UTP18: variants seen among roughly 807,000 people sequenced by gnomAD.
UTP18 encodes UTP18 small subunit processome component, also known as U3 small nucleolar RNA-associated protein 18 homolog.
In UTP18, 36 loss-of-function variants were observed where a neutral mutation model predicts 61.1. The ratio of observed to expected loss-of-function variants is 0.59; its 90% confidence interval spans 0.45 to 0.78. UTP18 has a LOEUF of 0.78. UTP18 is among the 30% of genes least tolerant of loss of function. The pLI is 0.00. For missense variants in UTP18, 753 were observed against 693.9 expected (o/e 1.09, Z -0.96); for synonymous variants, 282 against 251.1 (o/e 1.12, Z -1.16).
intron 8 of UTP18, 53 bp downstream of exon 8, chr17:51,280,158 G>T: frequency 6.5e-7 from 1 of 1,544,900 alleles, no homozygotes. Flanking sequence ...CTAGTGTAGG[G>T]ATAGTCTTGC....
Position 51,290,405 on chromosome 17 carries a change from G to C in UTP18, c.1503+2202G>C, listed in dbSNP as rs148292902. Among the ~76,000 whole-genome samples, 60 of 152,240 alleles carry C rather than the reference G, an allele frequency of 3.9e-4. No homozygotes were observed. In the East Asian group the frequency reaches 9.1e-3, roughly 23 times the overall value. On this transcript the variant is annotated intron_variant, in intron 11 of 13. Coordinates refer to ENST00000225298, the MANE Select transcript of UTP18 (RefSeq NM_016001.3). ...TACTCCAGCCTGGGTGACAGAGTAA[G>C]AGTCTGTCTCAAAAACAACAACAAC...
chr17:51,292,809 CTG>C (rs1905268613), intron 11 of UTP18, among the ~76,000 whole-genome samples: 1 of 152,186 alleles, frequency 6.6e-6, no homozygotes, highest in Non-Finnish European at 1.5e-5. Flanking sequence ...GAGAAAGAGA[CTG>C]TGTGTGTTCC....
intron 3 of UTP18, among the ~76,000 whole-genome samples, chr17:51,267,499 CAAAAG>C (rs1904341535): frequency 6.7e-6 from 1 of 148,684 alleles, no homozygotes; most frequent in Admixed American, 6.7e-5. Flanking sequence ...TTTATCACCT[CAAAAG>C]AAAACTCTCC....
chr17:51,285,461 C>T, intron 10 of UTP18, 93 bp downstream of exon 10: 1 of 1,446,122 alleles, frequency 6.9e-7, no homozygotes, highest in South Asian at 1.4e-5. Context: ...ATGAGTAGTT[C>T]TCTTTATAAA....
At chr17:51,276,306 A>G (rs1904720565) in intron 6 of UTP18, among the ~76,000 whole-genome samples, 1 of 152,204 alleles carries the variant, frequency 6.6e-6, no homozygotes, top group African/African-American at 2.4e-5. Flanking sequence ...TTTTTATTGA[A>G]TGCACCTGTA....
intron 2 of UTP18, among the ~76,000 whole-genome samples, chr17:51,265,156 CTG>C (rs1295428109): frequency 1.3e-5 from 2 of 151,942 alleles, no homozygotes; most frequent in Non-Finnish European, 2.9e-5. Context: ...ATAGTCAAAT[CTG>C]TGAATCTTTT....
chr17:51,272,649 T>C (rs991930081), intron 4 of UTP18, among the ~76,000 whole-genome samples: 2 of 152,234 alleles, frequency 1.3e-5, no homozygotes, highest in Non-Finnish European at 2.9e-5. Flanking sequence ...CGTTTTATTT[T>C]AATGAGGAAT....
At chr17:51,280,180 G>C (rs1202247552) in intron 8 of UTP18, 75 bp downstream of exon 8, 2 of 1,468,386 alleles carry the variant, frequency 1.4e-6, no homozygotes, top group Non-Finnish European at 1.9e-6. Flanking sequence ...CCTTAACTCA[G>C]TGTGTCCTTA....
chr17:51,281,076 G>T (rs1904902153), intron 9 of UTP18, among the ~76,000 whole-genome samples: 1 of 150,856 alleles, frequency 6.6e-6, no homozygotes. Flanking sequence ...TAGTTGGGAG[G>T]CTGAGGCAAA....
intron 10 of UTP18, among the ~76,000 whole-genome samples, chr17:51,286,899 C>CA (rs1288948550): frequency 6.6e-6 from 1 of 152,018 alleles, no homozygotes; most frequent in East Asian, 1.9e-4. Flanking sequence ...CATATGTATA[C>CA]ATGTGCCATG....
intron 11 of UTP18, among the ~76,000 whole-genome samples, chr17:51,293,191 A>G (rs1393291472): frequency 6.6e-6 from 1 of 152,156 alleles, no homozygotes; most frequent in South Asian, 2.1e-4. Flanking sequence ...TTTATTCATT[A>G]ATTTACTCAT....
intron 11 of UTP18, among the ~76,000 whole-genome samples, chr17:51,292,050 C>T (rs1024790071): frequency 1.3e-5 from 2 of 152,142 alleles, no homozygotes; most frequent in African/African-American, 4.8e-5. Flanking sequence ...CTTACAATAA[C>T]CCAAGTGAAA....
At chr17:51,281,288 A>G (rs57818544) in intron 9 of UTP18, among the ~76,000 whole-genome samples, 3,623 of 152,032 alleles carry the variant, frequency 0.024, 91 homozygotes, top group African/African-American at 0.057. Context: ...AGGACTAACA[A>G]TTTAACATGC....
intron 4 of UTP18, among the ~76,000 whole-genome samples, chr17:51,270,605 A>G (rs545051685): frequency 3.5e-4 from 53 of 152,338 alleles, no homozygotes; most frequent in African/African-American, 1.2e-3. Flanking sequence ...ACCCAAGTTT[A>G]TAGAAGTTCT....
intron 11 of UTP18, among the ~76,000 whole-genome samples, 167 bp from the exon 12 acceptor site, chr17:51,293,736 T>A (rs1905290943): frequency 6.6e-6 from 1 of 152,196 alleles, no homozygotes. Context: ...TAAAAAAAGA[T>A]CAAACTTAAT....
chr17:51,286,419 C>T (rs1039157457), intron 10 of UTP18: 1 of 452,456 alleles, frequency 2.2e-6, no homozygotes, highest in East Asian at 7.0e-5. Context: ...GATGGGAAGT[C>T]AAGGGGTCTT....
chr17:51,281,632 T>G (rs374805293), intron 9 of UTP18, among the ~76,000 whole-genome samples: 1 of 152,166 alleles, frequency 6.6e-6, no homozygotes, highest in African/African-American at 2.4e-5. Flanking sequence ...GAGGGGTCCT[T>G]GTGGTGATGG....
chr17:51,260,549 C>A lies in UTP18; in HGVS notation c.-36C>A. 1 of 1,589,248 alleles carries A rather than the reference C, an allele frequency of 6.3e-7. No homozygotes were observed. Among genetic ancestry groups the A allele is most frequent in the Non-Finnish European group, 8.5e-7 (1 of 1,169,942 alleles). On this transcript the variant is annotated 5_prime_UTR_variant, in exon 1 of 14. Coordinates refer to ENST00000225298, the MANE Select transcript of UTP18 (RefSeq NM_016001.3). ...GCCTGGGCGCATGCGCAGCGAGGTT[C>A]CACGTGAGCGCCTGCGTTTCTCCTC... is the stretch of plus-strand genomic sequence containing the variant.
intron 4 of UTP18, 88 bp from the exon 5 acceptor site, chr17:51,273,274 T>C: frequency 2.1e-6 from 2 of 934,106 alleles, no homozygotes; most frequent in East Asian, 2.9e-5. Flanking sequence ...GGAGTTGATG[T>C]TGAAAATATA....
Sources: gnomAD v4.1 joint callset for allele counts (sites outside exome capture counted in the v4.1 genomes callset) on GRCh38, gnomAD v4.1.1 for gene constraint, MANE v1.5 for transcripts, NCBI Gene and HGNC (gene_info 2026-07-23, HGNC 2026-07-21) for gene names.